SPAG9: variants seen among roughly 807,000 people sequenced by gnomAD.
SPAG9 encodes the protein sperm associated antigen 9.
In SPAG9, 35 loss-of-function variants were observed where a neutral mutation model predicts 166.5. That is an observed-to-expected ratio of 0.21 (90% CI 0.16 to 0.28). The LOEUF (loss-of-function observed/expected upper bound fraction) is 0.28. Among genes scored for constraint, SPAG9 ranks in the 10% least tolerant of loss-of-function variants. The pLI is 1.00. For synonymous variants in SPAG9, 534 were observed against 565.5 expected (o/e 0.94, Z 0.79); for missense variants, 1,235 against 1,603.3 (o/e 0.77, Z 3.92).
At chr17:51,066,610 A>T (rs1169807367) in intron 2 of SPAG9, among the ~76,000 whole-genome samples, 1 of 150,604 alleles carries the variant, frequency 6.6e-6, no homozygotes, top group Non-Finnish European at 1.5e-5. Context: ...TAATCCCAGC[A>T]CTTTGGGAGG....
chr17:51,073,368 T>C (rs1391863164), intron 2 of SPAG9, among the ~76,000 whole-genome samples: 2 of 151,612 alleles, frequency 1.3e-5, no homozygotes, highest in African/African-American at 2.4e-5. Flanking sequence ...CATGTGCTTG[T>C]AGTCCCAGCT....
chr17:51,009,220 T>C (rs1024481122), intron 9 of SPAG9: 1 of 432,086 alleles, frequency 2.3e-6, no homozygotes, highest in Non-Finnish European at 4.6e-6. Context: ...TAAACTCATT[T>C]ACTTTAAAAT....
rs141521388 is a variant in SPAG9 at position 50,987,471 on chromosome 17, C to T, written c.2814-234G>A. ...CTTTCCACTTCAGCCTCCTGAATAA[C>T]AGGGACTAGAGGCACACACACTATC... On this transcript the variant is annotated intron_variant, in intron 21 of 29. Coordinates refer to ENST00000262013, the MANE Select transcript of SPAG9 (RefSeq NM_001130528.3). 4.5e-3 allele frequency among the ~76,000 whole-genome samples: 674 copies of T among 151,422 alleles called. 6 individuals carry two copies. Among genetic ancestry groups the T allele is most frequent in the African/African-American group, 0.016 (652 of 41,212 alleles).
intron 10 of SPAG9, among the ~76,000 whole-genome samples, chr17:51,006,983 CA>C (rs1266178530): frequency 6.6e-6 from 1 of 152,000 alleles, no homozygotes; most frequent in Non-Finnish European, 1.5e-5. Context: ...AAAACCAGGA[CA>C]AATTTAGAAG....
chr17:51,053,855 GTATATATATATATATATATATATA>G (rs1161592026), intron 3 of SPAG9, among the ~76,000 whole-genome samples: 408 of 37,748 alleles, frequency 0.011, 32 homozygotes, highest in African/African-American at 0.038. Flanking sequence ...AAAAAAAAAA[GTATATATATATATATATATATATA>G]TATATATATA....
At chr17:51,037,629 T>TTA in intron 5 of SPAG9, among the ~76,000 whole-genome samples, 1 of 132,774 alleles carries the variant, frequency 7.5e-6, no homozygotes, top group Non-Finnish European at 1.6e-5. Flanking sequence ...AAAAAAAAAA[T>TTA]TATATATATA....
intron 22 of SPAG9, among the ~76,000 whole-genome samples, chr17:50,986,187 C>T (rs1459186069): frequency 2.0e-5 from 3 of 152,232 alleles, no homozygotes; most frequent in Admixed American, 6.5e-5. Flanking sequence ...CTGTTTTAAT[C>T]CAGCCTGCAA....
intron 14 of SPAG9, 98 bp downstream of exon 14, chr17:50,999,563 G>C (rs1485700532): frequency 1.4e-6 from 2 of 1,424,958 alleles, no homozygotes; most frequent in African/African-American, 3.0e-5. Flanking sequence ...AAAAAATGAA[G>C]GAAAGAAAAT....
At position 51,088,612 on chromosome 17, in the gene SPAG9, C is replaced by T. The variant is rs540440471; in HGVS notation, c.304-8908G>A. Among the ~76,000 whole-genome samples, 9 of 152,162 alleles carry T rather than the reference C, an allele frequency of 5.9e-5. No homozygotes were observed. The South Asian group carries it at 1.0e-3, about 18-fold the overall frequency. ...GAGATCGAGACCAACCTGGCTAACACGGTGAAACCTCGTCTCTACTAAAAA... is the reference window on the plus strand; with the variant it reads ...GAGATCGAGACCAACCTGGCTAACATGGTGAAACCTCGTCTCTACTAAAAA... On this transcript the variant is annotated intron_variant, in intron 1 of 29. Transcript: ENST00000262013.
intron 28 of SPAG9, among the ~76,000 whole-genome samples, chr17:50,974,074 GA>G (rs944067824): frequency 2.0e-5 from 3 of 151,346 alleles, no homozygotes; most frequent in African/African-American, 7.3e-5. Context: ...CCTCTTATGG[GA>G]AAAAAAAATT....
In SPAG9 at chr17:51,041,660, A is replaced by G; in HGVS notation, c.591-9T>C. On this transcript the variant is annotated splice_polypyrimidine_tract_variant and intron_variant, in intron 4 of 29. Coordinates refer to ENST00000262013, the MANE Select transcript of SPAG9 (RefSeq NM_001130528.3). Reference sequence around the variant, plus strand: ...ATATAGGGCGTTCTTTTCTATTTGAAGAGGGGAGAAAAAATTCGGCATTCA... The same window carrying G: ...ATATAGGGCGTTCTTTTCTATTTGAGGAGGGGAGAAAAAATTCGGCATTCA... 1 of 1,610,298 alleles carries G rather than the reference A, an allele frequency of 6.2e-7. No homozygotes were observed. The highest frequency in any genetic ancestry group is 8.5e-7 in the Non-Finnish European group (1 of 1,178,672).
At position 50,964,543 on chromosome 17, in the gene SPAG9, G is replaced by C. The variant is rs182393565; in HGVS notation, c.*1729C>G. ...GTGGAGGTTGCAGTGAGCTGAGATCGCACCACTGCATTCCAGCCTGGGCAA... is the reference window on the plus strand; with the variant it reads ...GTGGAGGTTGCAGTGAGCTGAGATCCCACCACTGCATTCCAGCCTGGGCAA... On this transcript the variant is annotated 3_prime_UTR_variant, in exon 30 of 30. Transcript: ENST00000262013. The C allele has an allele frequency of 1.2e-4, 25 of 200,212 alleles. No individual in the cohort carries two copies. Among genetic ancestry groups the C allele is most frequent in the Non-Finnish European group, 2.2e-4 (22 of 99,350 alleles). The allele number at this position is 200,212 out of a possible 1,614,324, so 12.4% of individuals were successfully genotyped here. A position where few individuals can be genotyped will look rare whatever the true frequency, so the allele number is the denominator to read the frequency against.
intron 1 of SPAG9, among the ~76,000 whole-genome samples, chr17:51,093,999 T>G (rs142874832): frequency 4.6e-5 from 7 of 152,280 alleles, no homozygotes; most frequent in African/African-American, 1.4e-4. Context: ...TGGAATTACA[T>G]GAAGGTCTAA....
Position 50,964,632 on chromosome 17 carries a change from G to T in SPAG9, c.*1640C>A, listed in dbSNP as rs1488077170. 5.9e-6 allele frequency: 2 copies of T among 338,320 alleles called. No homozygotes were observed. The highest frequency in any genetic ancestry group is 1.2e-5 in the Non-Finnish European group (2 of 169,336). The allele number at this position is 338,320 out of a possible 1,614,324, so 21.0% of individuals were successfully genotyped here. On this transcript the variant is annotated 3_prime_UTR_variant, in exon 30 of 30. Coordinates refer to ENST00000262013, the MANE Select transcript of SPAG9 (RefSeq NM_001130528.3). Reference sequence around the variant, plus strand: ...ATATTTAGCTTTGCCTAGAGTAATAGATAAAAAAGGGTAAATCACACATTT... The same window carrying T: ...ATATTTAGCTTTGCCTAGAGTAATATATAAAAAAGGGTAAATCACACATTT...
At chr17:51,020,572 AAGAT>A (rs1318784767) in intron 7 of SPAG9, among the ~76,000 whole-genome samples, 1 of 152,240 alleles carries the variant, frequency 6.6e-6, no homozygotes, top group Non-Finnish European at 1.5e-5. Flanking sequence ...AGACTAAACT[AAGAT>A]AGGGGACAGA....
intron 6 of SPAG9, among the ~76,000 whole-genome samples, chr17:51,023,586 CAATA>C (rs2046029616): frequency 1.3e-5 from 2 of 152,104 alleles, no homozygotes; most frequent in Non-Finnish European, 2.9e-5. Context: ...CACCGATTAT[CAATA>C]AATAATCTCT....
At chr17:51,016,157 C>T (rs1307610138) in intron 8 of SPAG9, 2 of 151,928 alleles carry the variant, frequency 1.3e-5, no homozygotes, top group African/African-American at 4.8e-5. Flanking sequence ...TCTAGCCAAA[C>T]TATCAAGTAT....
intron 2 of SPAG9, among the ~76,000 whole-genome samples, chr17:51,075,329 A>T (rs2047940592): frequency 6.6e-6 from 1 of 152,110 alleles, no homozygotes; most frequent in Non-Finnish European, 1.5e-5. Flanking sequence ...TATGTGAAAT[A>T]ATTAGTAATT....
rs1491384203 is a variant in SPAG9, at chr17:51,053,837, A to AT, written c.495+2574_495+2575insA. ...TGGGAAACAGAGTGAGACCCTAATT[A>AT]AAAAAAAAAAAAAAAAAGTATATAT... is the stretch of plus-strand genomic sequence containing the variant. On this transcript the variant is annotated intron_variant, in intron 3 of 29. Transcript: ENST00000262013. Among the ~76,000 whole-genome samples the AT allele has an allele frequency of 8.9e-5, 3 of 33,898 alleles. No individual in the cohort carries two copies. The Admixed American group carries it at 9.7e-4, about 11-fold the overall frequency. The allele number at this position is 33,898 out of a possible 152,430, so 22.2% of individuals were successfully genotyped here. A position where few individuals can be genotyped will look rare whatever the true frequency, so the allele number is the denominator to read the frequency against.
Sources: allele counts gnomAD v4.1 joint callset (sites outside exome capture counted in the v4.1 genomes callset), GRCh38; gene constraint gnomAD v4.1.1; transcripts MANE v1.5; gene names NCBI Gene and HGNC (gene_info 2026-07-23, HGNC 2026-07-21).